The following DNAH11 variants were observed in gnomAD, a reference collection of about 807,000 sequenced individuals.
DNAH11 encodes axonemal beta dynein heavy chain 11.
DNAH11 carries 442 observed loss-of-function variants against 526.0 expected under a neutral mutation model. The observed-to-expected ratio is 0.84, with a 90% CI of 0.78 to 0.91. The LOEUF (loss-of-function observed/expected upper bound fraction) is 0.91. Among genes scored for constraint, DNAH11 ranks in the 40% least tolerant of loss-of-function variants. The probability of loss-of-function intolerance (pLI) is 0.00; values close to 1 mark genes in which losing one functional copy is unlikely to be tolerated. For synonymous variants in DNAH11, 2,461 were observed against 1,935.9 expected (o/e 1.27, Z -7.12); for missense variants, 6,989 against 5,448.7 (o/e 1.28, Z -8.90).
chr7:21,862,714 A>C (rs1783112553), intron 69 of DNAH11, among the ~76,000 whole-genome samples: 1 of 152,186 alleles, frequency 6.6e-6, no homozygotes, highest in African/African-American at 2.4e-5. Context: ...TCTTACCCAC[A>C]CCTTCAGTGA....
At chr7:21,854,794 T>G (rs1413007100) in intron 68 of DNAH11, among the ~76,000 whole-genome samples, 1 of 152,066 alleles carries the variant, frequency 6.6e-6, no homozygotes, top group Non-Finnish European at 1.5e-5. Context: ...CTCCCCTCCT[T>G]GGCCTCCCAG....
intron 56 of DNAH11, 73 bp downstream of exon 56, chr7:21,774,072 AC>A: frequency 7.6e-7 from 1 of 1,312,684 alleles, no homozygotes; most frequent in Non-Finnish European, 1.0e-6. Flanking sequence ...CTTTTGAAGC[AC>A]TACTAAATCC....
At chr7:21,750,395 G>C (rs1445960464) in intron 54 of DNAH11, 31 bp downstream of exon 54, 1 of 1,573,818 alleles carries the variant, frequency 6.4e-7, no homozygotes, top group East Asian at 2.3e-5. Context: ...TTGCATGTTA[G>C]TTAAAACCTG....
At chr7:21,576,671 G>A (rs1784104123) in intron 8 of DNAH11, among the ~76,000 whole-genome samples, 1 of 152,184 alleles carries the variant, frequency 6.6e-6, no homozygotes, top group Non-Finnish European at 1.5e-5. Context: ...CAGTGTCAAT[G>A]CTGTATTTCA....
chr7:21,564,312 TG>T lies in DNAH11; in HGVS notation c.1110del (p.Ile371SerfsTer15). The T allele has an allele frequency of 1.2e-6, 2 of 1,613,724 alleles. No homozygotes were observed. The highest frequency in any genetic ancestry group is 8.5e-7 in the Non-Finnish European group (1 of 1,179,752). On this transcript the variant is annotated frameshift_variant, in exon 6 of 82. Coordinates refer to ENST00000409508, the MANE Select transcript of DNAH11 (RefSeq NM_001277115.2). LOFTEE classifies it high-confidence loss of function. ...LIAPLFHTIC[L>X]IWSHSKFYNT... ...GCTCCATTATTTCATACCATCTGTC[TG>T]ATCTGGAGTCATTCCAAGTTTTATA...
At chr7:21,572,914 C>T (rs1426729222) in intron 8 of DNAH11, among the ~76,000 whole-genome samples, 1 of 152,108 alleles carries the variant, frequency 6.6e-6, no homozygotes, top group Non-Finnish European at 1.5e-5. Flanking sequence ...TCCCCAAAGC[C>T]TTGTAAGATG....
At chr7:21,676,252 G>A (rs925001532) in intron 30 of DNAH11, among the ~76,000 whole-genome samples, 1 of 152,206 alleles carries the variant, frequency 6.6e-6, no homozygotes, top group African/African-American at 2.4e-5. Flanking sequence ...AAGGGGCGTA[G>A]GTAGACTTGA....
At chr7:21,824,075 T>C (rs1229779527) in intron 65 of DNAH11, among the ~76,000 whole-genome samples, 5 of 152,270 alleles carry the variant, frequency 3.3e-5, no homozygotes, top group Non-Finnish European at 5.9e-5. Flanking sequence ...ACACAAACAA[T>C]TGCTAAACTG....
At chr7:21,646,944 TG>T (rs1787381518) in intron 28 of DNAH11, among the ~76,000 whole-genome samples, 1 of 152,180 alleles carries the variant, frequency 6.6e-6, no homozygotes, top group South Asian at 2.1e-4. Flanking sequence ...TTACTGAGCA[TG>T]TGAAGAAATA....
Position 21,543,157 on chromosome 7 carries a change from G to C in DNAH11, c.-89G>C. ...GCGGCGACCGCGGAGGAGGGTGGGC[G>C]CCTGCGGAGGTGTCCTCGCTCACTT... is the stretch of plus-strand genomic sequence containing the variant. On this transcript the variant is annotated 5_prime_UTR_variant, in exon 1 of 82. Transcript: ENST00000409508. 1.4e-6 allele frequency: 2 copies of C among 1,437,934 alleles called. No homozygotes were observed. Among genetic ancestry groups the C allele is most frequent in the Non-Finnish European group, 1.8e-6 (2 of 1,102,964 alleles). 89.1% of individuals were successfully genotyped at this position (1,437,934 alleles called of 1,614,324 possible).
At chr7:21,831,911 GA>G (rs1315214897) in intron 65 of DNAH11, among the ~76,000 whole-genome samples, 1 of 152,128 alleles carries the variant, frequency 6.6e-6, no homozygotes, top group Non-Finnish European at 1.5e-5. Context: ...CCAGCAAGGT[GA>G]AACCCCATCT....
intron 66 of DNAH11, among the ~76,000 whole-genome samples, chr7:21,844,604 C>G (rs1369197807): frequency 6.6e-6 from 1 of 152,146 alleles, no homozygotes; most frequent in East Asian, 1.9e-4. Context: ...TGGTATAAAT[C>G]AGTGGTTCTC....
At chr7:21,763,839 C>T (rs1269819300) in intron 54 of DNAH11, among the ~76,000 whole-genome samples, 1 of 149,586 alleles carries the variant, frequency 6.7e-6, no homozygotes, top group African/African-American at 2.5e-5. Flanking sequence ...TATATATACA[C>T]ACACAATGGA....
chr7:21,744,860 C>T lies in DNAH11; in HGVS notation c.8317-10C>T, dbSNP rs1303712444. On this transcript the variant is annotated splice_polypyrimidine_tract_variant and intron_variant, in intron 50 of 81. Transcript: ENST00000409508. ...TGACATGCCATATTTTTCTCTTTCTCATCCTGCAGGGTATAGATAGTCACA... is the reference window on the plus strand; with the variant it reads ...TGACATGCCATATTTTTCTCTTTCTTATCCTGCAGGGTATAGATAGTCACA... 3.8e-6 allele frequency: 6 copies of T among 1,599,190 alleles called. No individual in the cohort carries two copies. The highest frequency in any genetic ancestry group is 1.8e-5 in the Admixed American group (1 of 56,798).
intron 9 of DNAH11, 64 bp from the exon 10 acceptor site, chr7:21,588,000 T>C: frequency 6.6e-7 from 1 of 1,522,024 alleles, no homozygotes; most frequent in Non-Finnish European, 8.9e-7. Context: ...AGGGGAACAT[T>C]ATGAGCTGAG....
At chr7:21,733,604 A>G (rs189338970) in intron 45 of DNAH11, among the ~76,000 whole-genome samples, 396 of 152,338 alleles carry the variant, frequency 2.6e-3, no homozygotes, top group African/African-American at 8.9e-3. Context: ...CTTAGCGATG[A>G]TATCTTGTAT....
At chr7:21,661,954 G>T (rs946532211) in intron 30 of DNAH11, among the ~76,000 whole-genome samples, 1 of 152,006 alleles carries the variant, frequency 6.6e-6, no homozygotes, top group African/African-American at 2.4e-5. Flanking sequence ...GAGTAGCTGG[G>T]ATTACAGGCA....
intron 62 of DNAH11, among the ~76,000 whole-genome samples, chr7:21,804,283 G>T (rs796084826): frequency 5.3e-5 from 8 of 152,020 alleles, no homozygotes; most frequent in African/African-American, 1.4e-4. Flanking sequence ...TAATTTTTTT[G>T]TATTTTTATT....
chr7:21,896,530 G>A (rs1784521848), intron 79 of DNAH11, among the ~76,000 whole-genome samples: 1 of 152,082 alleles, frequency 6.6e-6, no homozygotes, highest in African/African-American at 2.4e-5. Context: ...TTTTACTATT[G>A]TACTGAGGTA....
Sources: gnomAD v4.1 joint callset for allele counts (sites outside exome capture counted in the v4.1 genomes callset) on GRCh38, gnomAD v4.1.1 for gene constraint, MANE v1.5 for transcripts, NCBI Gene and HGNC (gene_info 2026-07-23, HGNC 2026-07-21) for gene names.